IBSP: variants seen among roughly 807,000 people sequenced by gnomAD.
IBSP encodes integrin binding sialoprotein.
In IBSP, 19 loss-of-function variants were observed where a neutral mutation model predicts 25.5. That is an observed-to-expected ratio of 0.74 (90% CI 0.52 to 1.09). IBSP has a LOEUF of 1.09. Ranked by LOEUF, IBSP falls within the 50% of genes least tolerant of loss-of-function variation. IBSP has a pLI of 0.00. For synonymous variants in IBSP, 144 were observed against 137.6 expected (o/e 1.05, Z -0.33); for missense variants, 360 against 382.3 (o/e 0.94, Z 0.49).
At position 87,811,350 on chromosome 4, in the gene IBSP, G is replaced by C. The variant is rs1164366862; in HGVS notation, c.406-12G>C. The C allele has an allele frequency of 6.3e-7, 1 of 1,582,734 alleles. No homozygotes were observed. Among genetic ancestry groups the C allele is most frequent in the East Asian group, 2.2e-5 (1 of 44,678 alleles). ...CAGCTAGATTTGGGTTCTTTCAAACGTTTCCTTACAGGCTGGGGATATAAC... is the reference window on the plus strand; with the variant it reads ...CAGCTAGATTTGGGTTCTTTCAAACCTTTCCTTACAGGCTGGGGATATAAC... On this transcript the variant is annotated splice_polypyrimidine_tract_variant and intron_variant, in intron 6 of 6. Coordinates refer to ENST00000226284, the MANE Select transcript of IBSP (RefSeq NM_004967.4).
intron 1 of IBSP, among the ~76,000 whole-genome samples, chr4:87,802,132 A>G (rs746578690): frequency 5.3e-5 from 8 of 152,186 alleles, no homozygotes; most frequent in Non-Finnish European, 8.8e-5. Context: ...CAAGTATGGA[A>G]CTCAAGATTA....
At chr4:87,808,184 C>CTT (rs547277695) in intron 5 of IBSP, among the ~76,000 whole-genome samples, 37 of 143,614 alleles carry the variant, frequency 2.6e-4, no homozygotes, top group Non-Finnish European at 3.1e-4. Context: ...ATAAAATAAA[C>CTT]TTTTTTTTTT....
chr4:87,811,887 C>A lies in IBSP; in HGVS notation c.931C>A (p.Gln311Lys), dbSNP rs778016692. The part of the protein sequence containing the change: ...KGQGYDGYDG[Q>K]NYYHHQ ...ACAAGGCTACGATGGCTATGATGGT[C>A]AGAATTACTACCACCACCAGTGAAG... The change falls in exon 7 of 7, where the codon CAG becomes AAG. Residue 311 changes from glutamine (Q) to lysine (K), a missense_variant. Coordinates refer to ENST00000226284, the MANE Select transcript of IBSP (RefSeq NM_004967.4). 1 of 1,534,218 alleles carries A rather than the reference C, an allele frequency of 6.5e-7. No individual in the cohort carries two copies. Among genetic ancestry groups the A allele is most frequent in the Admixed American group, 2.1e-5 (1 of 48,732 alleles).
At chr4:87,801,200 A>T (rs918875361) in intron 1 of IBSP, among the ~76,000 whole-genome samples, 7 of 152,040 alleles carry the variant, frequency 4.6e-5, no homozygotes, top group Admixed American at 3.3e-4. Context: ...TGTTCCATAG[A>T]ATTGAAATTT....
intron 1 of IBSP, among the ~76,000 whole-genome samples, chr4:87,801,614 A>G (rs549812092): frequency 1.3e-5 from 2 of 152,146 alleles, no homozygotes; most frequent in East Asian, 1.9e-4. Flanking sequence ...CAAAACCTAT[A>G]TAGAAGCTGG....
At chr4:87,802,439 A>G (rs190506304) in intron 2 of IBSP, 24 bp downstream of exon 2, 5 of 1,600,176 alleles carry the variant, frequency 3.1e-6, no homozygotes, top group East Asian at 4.5e-5. Flanking sequence ...CAAAACCCAC[A>G]GTTATTTTCA....
Position 87,811,503 on chromosome 4 carries a change from A to C in IBSP, c.547A>C (p.Ser183Arg), listed in dbSNP as rs779744934. 1.2e-6 allele frequency: 2 copies of C among 1,614,144 alleles called. No homozygotes were observed. Among genetic ancestry groups the C allele is most frequent in the Non-Finnish European group, 1.7e-6 (2 of 1,180,014 alleles). The change falls in exon 7 of 7, where the codon AGC becomes CGC. Residue 183 changes from serine to arginine, a missense_variant. Ser to Arg is a moderately radical substitution (Grantham distance 110, BLOSUM62 -1). Transcript: ENST00000226284. ...EQGINGTSTNSTEAENGNGSS... is the reference protein window; with the variant it reads ...EQGINGTSTNRTEAENGNGSS... ...AGGCATAAACGGCACCAGTACCAAC[A>C]GCACAGAGGCAGAAAACGGCAACGG...
intron 4 of IBSP, 52 bp downstream of exon 4, chr4:87,802,783 G>A: frequency 8.2e-7 from 1 of 1,226,396 alleles, no homozygotes; most frequent in East Asian, 2.7e-5. Flanking sequence ...ATAATTTAAA[G>A]GAGATCAAAT....
At chr4:87,804,153 T>A (rs1244930300) in intron 4 of IBSP, among the ~76,000 whole-genome samples, 2 of 152,200 alleles carry the variant, frequency 1.3e-5, no homozygotes, top group African/African-American at 4.8e-5. Context: ...TAATTGTTTT[T>A]AAATAAAATT....
At chr4:87,801,629 C>T (rs571275324) in intron 1 of IBSP, among the ~76,000 whole-genome samples, 2 of 152,054 alleles carry the variant, frequency 1.3e-5, no homozygotes, top group South Asian at 2.1e-4. Flanking sequence ...AGCTGGAAAC[C>T]GCCTATAGGG....
At chr4:87,804,399 G>A (rs1722063913) in intron 4 of IBSP, among the ~76,000 whole-genome samples, 2 of 152,114 alleles carry the variant, frequency 1.3e-5, no homozygotes, top group South Asian at 4.1e-4. Flanking sequence ...TATTTGGATT[G>A]CAAAGTGATC....
rs200520330 is a variant in IBSP at position 87,811,767 on chromosome 4, T to C, written c.811T>C (p.Tyr271His). The change falls in exon 7 of 7, where the codon TAC becomes CAC. Residue 271 changes from tyrosine to histidine, a missense_variant. Tyr to His is a moderately conservative substitution (Grantham distance 83). Transcript: ENST00000226284. ...GEYEYTGANE[Y>H]DNGYEIYESE... Reference sequence around the variant, plus strand: ...GTACGAATACACGGGCGCCAATGAATACGACAATGGATATGAAATCTATGA... The same window carrying C: ...GTACGAATACACGGGCGCCAATGAACACGACAATGGATATGAAATCTATGA... 8.1e-6 allele frequency: 13 copies of C among 1,613,814 alleles called. No individual in the cohort carries two copies. Among genetic ancestry groups the C allele is most frequent in the South Asian group, 1.1e-5 (1 of 91,022 alleles).
intron 3 of IBSP, 45 bp from the exon 4 acceptor site, chr4:87,802,609 T>A: frequency 6.4e-7 from 1 of 1,567,348 alleles, no homozygotes; most frequent in Non-Finnish European, 8.6e-7. Flanking sequence ...GCTGTATATT[T>A]ATTGCATATT....
At chr4:87,804,815 G>A (rs891646313) in intron 4 of IBSP, among the ~76,000 whole-genome samples, 2 of 152,182 alleles carry the variant, frequency 1.3e-5, no homozygotes, top group African/African-American at 4.8e-5. Context: ...TGATGTGGTT[G>A]AGCTAGGGAG....
intron 6 of IBSP, 109 bp downstream of exon 6, chr4:87,810,873 A>G (rs1021680779): frequency 3.6e-5 from 30 of 844,046 alleles, no homozygotes; most frequent in Non-Finnish European, 4.8e-5. Context: ...TCCTAACACT[A>G]CACACATAGT....
At chr4:87,802,254 A>G in intron 1 of IBSP, 94 bp from the exon 2 acceptor site, 1 of 718,880 alleles carries the variant, frequency 1.4e-6, no homozygotes, top group Non-Finnish European at 2.3e-6. Flanking sequence ...CACAGAAATG[A>G]AAACAAATTA....
At chr4:87,805,173 C>A (rs1336846891) in intron 4 of IBSP, among the ~76,000 whole-genome samples, 4 of 152,236 alleles carry the variant, frequency 2.6e-5, no homozygotes, top group South Asian at 4.1e-4. Context: ...TGATTTCTAA[C>A]CCAGAAGTTA....
chr4:87,810,608 G>T lies in IBSP; in HGVS notation c.249G>T (p.Glu83Asp). 1 of 1,606,308 alleles carries T rather than the reference G, an allele frequency of 6.2e-7. No individual in the cohort carries two copies. The highest frequency in any genetic ancestry group is 1.1e-5 in the South Asian group (1 of 90,644). Reference protein sequence around the residue: ...DSSEEEEEEEETSNEGENNEE... With the variant: ...DSSEEEEEEEDTSNEGENNEE... ...CTTACTATGAATATTTTTAACAGGA[G>T]ACTTCAAATGAAGGAGAAAACAATG... The change falls in exon 6 of 7, where the codon GAG (glutamate) becomes GAT (aspartate). Residue 83 changes from glutamate to aspartate, a missense_variant and splice_region_variant. Physicochemically the swap from Glu to Asp is conservative, Grantham distance 45. Coordinates refer to ENST00000226284, the MANE Select transcript of IBSP (RefSeq NM_004967.4).
chr4:87,807,224 A>G (rs1365658576), intron 5 of IBSP, among the ~76,000 whole-genome samples: 1 of 152,146 alleles, frequency 6.6e-6, no homozygotes, highest in Admixed American at 6.5e-5. Context: ...CGCATAGTCA[A>G]TTATAGCTAC....
Sources: gnomAD v4.1 joint callset for allele counts (sites outside exome capture counted in the v4.1 genomes callset) on GRCh38, gnomAD v4.1.1 for gene constraint, MANE v1.5 for transcripts, NCBI Gene and HGNC (gene_info 2026-07-23, HGNC 2026-07-21) for gene names.